CD55: variants seen among roughly 807,000 people sequenced by gnomAD.
CD55 encodes the protein CD55 molecule (Cromer blood group), also known as complement decay-accelerating factor.
A neutral mutation model predicts 45.8 loss-of-function variants in CD55; 41 were observed. The observed-to-expected ratio is 0.90, with a 90% CI of 0.70 to 1.16. The LOEUF (loss-of-function observed/expected upper bound fraction) is 1.16. Ranked by LOEUF, CD55 falls within the 50% of genes most tolerant of loss-of-function variation. The pLI, the probability that CD55 is intolerant of heterozygous loss-of-function variation, is 0.00. For synonymous variants in CD55, 181 were observed against 181.1 expected (o/e 1.00, Z 0.01); for missense variants, 416 against 469.8 (o/e 0.89, Z 1.06).
intron 6 of CD55, among the ~76,000 whole-genome samples, chr1:207,335,676 C>T (rs1655140792): frequency 1.3e-5 from 2 of 152,010 alleles, no homozygotes; most frequent in Non-Finnish European, 2.9e-5. Context: ...ACCTGCTAGG[C>T]GTTTTACTCA....
chr1:207,346,551 G>T (rs537705574), intron 9 of CD55, among the ~76,000 whole-genome samples: 1 of 152,294 alleles, frequency 6.6e-6, no homozygotes, highest in African/African-American at 2.4e-5. Flanking sequence ...CAGAGAGGTG[G>T]CTGGGGCACA....
chr1:207,345,813 T>A (rs977606257), intron 9 of CD55, among the ~76,000 whole-genome samples: 1 of 152,232 alleles, frequency 6.6e-6, no homozygotes, highest in Non-Finnish European at 1.5e-5. Context: ...CATGCAGTAG[T>A]GTAGTTTCTG....
intron 9 of CD55, chr1:207,354,162 GTAGTATCTGTC>G (rs1277341969): frequency 7.0e-7 from 1 of 1,435,152 alleles, no homozygotes; most frequent in Non-Finnish European, 9.2e-7. Context: ...ATATATTAAT[GTAGTATCTGTC>G]TAATGTAAAT....
intron 8 of CD55, among the ~76,000 whole-genome samples, 193 bp from the exon 9 acceptor site, chr1:207,339,204 A>T (rs1402131758): frequency 6.8e-6 from 1 of 146,542 alleles, no homozygotes; most frequent in African/African-American, 2.5e-5. Flanking sequence ...AGGTATAGAC[A>T]GTAATGTTTA....
At position 207,324,669 on chromosome 1, in the gene CD55, T is replaced by C. The variant is rs199922774; in HGVS notation, c.397T>C (p.Tyr133His). 1.9e-6 allele frequency: 3 copies of C among 1,613,334 alleles called. No homozygotes were observed. The African/African-American group carries it at 4.0e-5, about 22-fold the overall frequency. Residue 133 changes from tyrosine to histidine, a missense_variant, in exon 3 of 10, where the codon TAC becomes CAC. Physicochemically the swap from Tyr to His is moderately conservative, Grantham distance 83 (BLOSUM62 2). Coordinates refer to ENST00000367064, the MANE Select transcript of CD55 (RefSeq NM_000574.5). ...TVVEYECRPG[Y>H]RREPSLSPKL... ...TGTGGAATATGAGTGCCGTCCAGGT[T>C]ACAGAAGAGAACCTTCTCTATCACC...
chr1:207,336,142 G>C (rs1009545156), intron 6 of CD55, among the ~76,000 whole-genome samples: 4 of 152,246 alleles, frequency 2.6e-5, no homozygotes, highest in African/African-American at 9.6e-5. Flanking sequence ...TATCTAGTCT[G>C]AAATCTAAAG....
chr1:207,325,608 G>A lies in CD55; in HGVS notation c.479-14G>A, dbSNP rs1352377737. 2.0e-6 allele frequency: 3 copies of A among 1,526,410 alleles called. No individual in the cohort carries two copies. Among genetic ancestry groups the A allele is most frequent in the South Asian group, 1.1e-5 (1 of 87,694 alleles). 94.6% of individuals were successfully genotyped at this position (1,526,410 alleles called of 1,614,324 possible). A position where few individuals can be genotyped will look rare whatever the true frequency, so the allele number is the denominator to read the frequency against. On this transcript the variant is annotated splice_polypyrimidine_tract_variant and intron_variant, in intron 3 of 9. Coordinates refer to ENST00000367064, the MANE Select transcript of CD55 (RefSeq NM_000574.5). ...TAATTTAATTTTAAAAAATCAATTT[G>A]TATTCTATTCTAGAGAAATCATGCC... is the stretch of plus-strand genomic sequence containing the variant.
intron 2 of CD55, among the ~76,000 whole-genome samples, chr1:207,324,298 A>T (rs967462867): frequency 4.8e-5 from 7 of 144,682 alleles, no homozygotes; most frequent in Middle Eastern, 3.6e-3. Flanking sequence ...GGCAACTTAA[A>T]TTTTTTTTTT....
At chr1:207,346,394 T>C (rs1417024620) in intron 9 of CD55, among the ~76,000 whole-genome samples, 4 of 152,126 alleles carry the variant, frequency 2.6e-5, no homozygotes, top group Non-Finnish European at 5.9e-5. Flanking sequence ...TCCTCAGGCC[T>C]CCCTGTGGTG....
In CD55 at chr1:207,325,714, A is replaced by C. The variant is rs1222609407; in HGVS notation, c.571A>C (p.Asn191His). Reference sequence around the variant, plus strand: ...TGGTGCAACCATCTCCTTCTCATGTAACACAGGGTAAGTTTGGGCATACTA... The same window carrying C: ...TGGTGCAACCATCTCCTTCTCATGTCACACAGGGTAAGTTTGGGCATACTA... ...LFGATISFSC[N>H]TGYKLFGSTS... Residue 191 changes from asparagine to histidine, a missense_variant, in exon 4 of 10, where the codon AAC (asparagine) becomes CAC (histidine). Physicochemically the swap from Asn to His is moderately conservative, Grantham distance 68. Coordinates refer to ENST00000367064, the MANE Select transcript of CD55 (RefSeq NM_000574.5). 6.3e-7 allele frequency: 1 copy of C among 1,592,484 alleles called. No individual in the cohort carries two copies.
intron 9 of CD55, chr1:207,340,869 A>G (rs1655396666): frequency 8.4e-6 from 3 of 357,804 alleles, no homozygotes; most frequent in Non-Finnish European, 1.5e-5. Context: ...AGGAACCTCC[A>G]TATTGTTTTC....
intron 9 of CD55, among the ~76,000 whole-genome samples, chr1:207,356,010 A>G (rs1656064279): frequency 6.6e-6 from 1 of 152,216 alleles, no homozygotes; most frequent in Non-Finnish European, 1.5e-5. Context: ...TAAGGAAGCC[A>G]TATACAAAAT....
intron 8 of CD55, 148 bp from the exon 9 acceptor site, chr1:207,339,249 T>C (rs1329187936): frequency 1.7e-6 from 1 of 603,166 alleles, no homozygotes; most frequent in Non-Finnish European, 2.9e-6. Context: ...GTAATTGTTT[T>C]TATAAATTTA....
At chr1:207,337,659 T>TAA (rs55690559) in intron 8 of CD55, 4,583 of 277,056 alleles carry the variant, frequency 0.017, 7 homozygotes, top group Middle Eastern at 0.025. Flanking sequence ...TTAAGATTGG[T>TAA]AAAAAAAAAA....
At chr1:207,356,383 C>G (rs28371646) in intron 9 of CD55, among the ~76,000 whole-genome samples, 2,407 of 151,894 alleles carry the variant, frequency 0.016, 78 homozygotes, top group African/African-American at 0.054. Context: ...TCTGTTTTTT[C>G]TCAATATATT....
intron 9 of CD55, among the ~76,000 whole-genome samples, chr1:207,349,094 C>T (rs1371150994): frequency 6.6e-6 from 1 of 151,718 alleles, no homozygotes; most frequent in Non-Finnish European, 1.5e-5. Flanking sequence ...TTTTTTAATT[C>T]TCTGAAAGAT....
chr1:207,353,358 A>T (rs1189782421), intron 9 of CD55, among the ~76,000 whole-genome samples: 2 of 152,202 alleles, frequency 1.3e-5, no homozygotes, highest in African/African-American at 4.8e-5. Flanking sequence ...ATAATAAATA[A>T]GAAGTCAGGA....
At chr1:207,350,203 A>G (rs1212560277) in intron 9 of CD55, 7 of 426,580 alleles carry the variant, frequency 1.6e-5, no homozygotes, top group Non-Finnish European at 2.8e-5. Flanking sequence ...CATCCCAGGA[A>G]TAAAGCCTAC....
At chr1:207,354,101 T>C (rs978612338) in intron 9 of CD55, 5 of 1,525,804 alleles carry the variant, frequency 3.3e-6, no homozygotes, top group Middle Eastern at 1.7e-4. Flanking sequence ...TTCTTGGAGG[T>C]AGGTAGATAG....
Sources: allele counts gnomAD v4.1 joint callset (sites outside exome capture counted in the v4.1 genomes callset), GRCh38; gene constraint gnomAD v4.1.1; transcripts MANE v1.5; gene names NCBI Gene and HGNC (gene_info 2026-07-23, HGNC 2026-07-21).